The following RPL27 variants were observed in gnomAD, a reference collection of about 807,000 sequenced individuals.
The protein encoded by RPL27 is large ribosomal subunit protein eL27.
For synonymous variants in RPL27, 77 were observed against 61.0 expected (o/e 1.26, Z -1.22); for missense variants, 131 against 174.3 (o/e 0.75, Z 1.40).
At chr17:43,002,360 A>T (rs1159221275) in intron 3 of RPL27, among the ~76,000 whole-genome samples, 1 of 151,426 alleles carries the variant, frequency 6.6e-6, no homozygotes, top group Non-Finnish European at 1.5e-5. Flanking sequence ...ACAAAAAATT[A>T]GCCAGGCCTG....
intron 3 of RPL27, 120 bp from the exon 4 acceptor site, chr17:43,002,553 C>A (rs2050375848): frequency 8.9e-6 from 6 of 676,252 alleles, no homozygotes; most frequent in Non-Finnish European, 1.6e-5. Context: ...CGGGACATGG[C>A]TTTTGATGGT....
At chr17:43,001,927 T>C (rs1567738723) in intron 3 of RPL27, among the ~76,000 whole-genome samples, 2 of 149,062 alleles carry the variant, frequency 1.3e-5, no homozygotes, top group African/African-American at 5.0e-5. Context: ...CCGTCTCTAC[T>C]GAAAGTACAA....
chr17:43,002,483 G>A (rs889730073), intron 3 of RPL27, among the ~76,000 whole-genome samples, 190 bp from the exon 4 acceptor site: 2 of 152,014 alleles, frequency 1.3e-5, no homozygotes, highest in African/African-American at 4.8e-5. Flanking sequence ...GTCCAGCCTG[G>A]ACGAAAGATT....
intron 3 of RPL27, among the ~76,000 whole-genome samples, chr17:43,000,724 G>A (rs1446655026): frequency 1.3e-5 from 2 of 149,782 alleles, no homozygotes; most frequent in Non-Finnish European, 3.0e-5. Context: ...GATTACAGGC[G>A]TGAGCCACCG....
intron 3 of RPL27, among the ~76,000 whole-genome samples, chr17:43,000,333 C>T (rs1280502299): frequency 6.6e-6 from 1 of 152,196 alleles, no homozygotes; most frequent in Non-Finnish European, 1.5e-5. Context: ...GATCTGCCCT[C>T]TTCCACTGTT....
chr17:43,001,110 G>A (rs189485632), intron 3 of RPL27, among the ~76,000 whole-genome samples: 14 of 152,060 alleles, frequency 9.2e-5, no homozygotes, highest in Non-Finnish European at 1.9e-4. Flanking sequence ...TTGGGAGGCC[G>A]AGGCGAGCGG....
At chr17:42,999,905 A>G (rs1437360997) in intron 2 of RPL27, 28 bp from the exon 3 acceptor site, 1 of 1,597,912 alleles carries the variant, frequency 6.3e-7, no homozygotes, top group African/African-American at 1.3e-5. Flanking sequence ...CCCTCAGTGA[A>G]TAACAAATGT....
chr17:42,998,893 GGGCA>G, intron 2 of RPL27, 62 bp downstream of exon 2: 1 of 1,394,930 alleles, frequency 7.2e-7, no homozygotes, highest in Non-Finnish European at 1.0e-6. Flanking sequence ...GCGGCGGGGC[GGGCA>G]GGCTTGGAAT....
intron 3 of RPL27, among the ~76,000 whole-genome samples, chr17:43,001,091 C>T (rs1468257873): frequency 2.0e-5 from 3 of 152,168 alleles, no homozygotes; most frequent in Non-Finnish European, 2.9e-5. Flanking sequence ...CGCCTACAAT[C>T]CCAGCACTTT....
chr17:42,998,921 C>A, intron 2 of RPL27, 90 bp downstream of exon 2: 1 of 1,033,792 alleles, frequency 9.7e-7, no homozygotes. Flanking sequence ...AGGCCTGTTT[C>A]TGGGGCAGTA....
At chr17:43,001,802 C>T (rs1273481246) in intron 3 of RPL27, among the ~76,000 whole-genome samples, 1 of 151,394 alleles carries the variant, frequency 6.6e-6, no homozygotes, top group Non-Finnish European at 1.5e-5. Context: ...GTCAAGAAGG[C>T]CTAATTTGGC....
At position 43,000,060 on chromosome 17, in the gene RPL27, C is replaced by A. The variant is rs762571548; in HGVS notation, c.209C>A (p.Ser70Tyr). The A allele has an allele frequency of 3.1e-5, 50 of 1,613,038 alleles. No individual in the cohort carries two copies. The highest frequency in any genetic ancestry group is 3.9e-5 in the Non-Finnish European group (46 of 1,179,950). ...ATCGCCAAGAGATCAAAGATAAAATCTTTTGTGAAAGTGTATAACTACAAT... is the reference window on the plus strand; with the variant it reads ...ATCGCCAAGAGATCAAAGATAAAATATTTTGTGAAAGTGTATAACTACAAT... ...KKIAKRSKIK[S>Y]FVKVYNYNHL... is the part of the protein sequence containing the mutation. The change falls in exon 3 of 5, where the codon TCT becomes TAT. Residue 70 changes from serine to tyrosine, a missense_variant. Transcript: ENST00000253788.
Position 43,000,068 on chromosome 17 carries a change from A to G in RPL27, c.217A>G (p.Lys73Glu), listed in dbSNP as rs1252658792. 1.9e-6 allele frequency: 3 copies of G among 1,613,080 alleles called. No individual in the cohort carries two copies. The highest frequency in any genetic ancestry group is 1.7e-6 in the Non-Finnish European group (2 of 1,179,946). ...AKRSKIKSFV[K>E]VYNYNHLMPT... ...GAGATCAAAGATAAAATCTTTTGTG[A>G]AAGTGTATAACTACAATCACCTAAT... is the stretch of plus-strand genomic sequence containing the variant. The change falls in exon 3 of 5, where the codon AAA becomes GAA. Residue 73 changes from lysine (K) to glutamate (E), a missense_variant. By Grantham distance (56) the Lys-to-Glu change is moderately conservative (BLOSUM62 1). Coordinates refer to ENST00000253788, the MANE Select transcript of RPL27 (RefSeq NM_000988.5).
At chr17:42,999,075 C>T in intron 2 of RPL27, 2 of 478,228 alleles carry the variant, frequency 4.2e-6, no homozygotes. Flanking sequence ...TAGTGGCTGA[C>T]ATTGCACGCT....
chr17:43,000,444 T>G (rs2050347445), intron 3 of RPL27, among the ~76,000 whole-genome samples: 1 of 151,448 alleles, frequency 6.6e-6, no homozygotes, highest in Non-Finnish European at 1.5e-5. Context: ...CCCTTTAGTC[T>G]GGGGACATAC....
In RPL27 at chr17:43,002,765, A is replaced by G; in HGVS notation, c.344A>G (p.Lys115Arg). The G allele has an allele frequency of 6.2e-7, 1 of 1,613,466 alleles. No individual in the cohort carries two copies. The highest frequency in any genetic ancestry group is 8.5e-7 in the Non-Finnish European group (1 of 1,179,336). ...ALKRKARREA[K>R]VKFEERYKTG... ...AAACGCAAGGCCCGACGGGAGGCCA[A>G]GGTCAAGTTTGAAGAGAGGTAAGTA... is the stretch of plus-strand genomic sequence containing the variant. The change falls in exon 4 of 5, where the codon AAG (lysine) becomes AGG (arginine). Residue 115 changes from lysine to arginine, a missense_variant. Transcript: ENST00000253788.
chr17:42,998,517 G>C (rs1277925073), intron 1 of RPL27, 46 bp downstream of exon 1: 4 of 430,730 alleles, frequency 9.3e-6, no homozygotes, highest in Non-Finnish European at 1.7e-5. Flanking sequence ...TGCCATCCGC[G>C]GCTTGGGGGT....
chr17:42,999,467 T>G (rs967539598), intron 2 of RPL27: 1 of 156,604 alleles, frequency 6.4e-6, no homozygotes, highest in Non-Finnish European at 1.4e-5. Flanking sequence ...TTTTGTAGCT[T>G]CTTGAGAGAG....
chr17:43,001,713 T>A (rs568007895), intron 3 of RPL27, among the ~76,000 whole-genome samples: 1 of 151,712 alleles, frequency 6.6e-6, no homozygotes, highest in Non-Finnish European at 1.5e-5. Flanking sequence ...TGGGCTGTCA[T>A]GAGAGTGACT....
Sources: allele counts gnomAD v4.1 joint callset (sites outside exome capture counted in the v4.1 genomes callset), GRCh38; gene constraint gnomAD v4.1.1; transcripts MANE v1.5; gene names NCBI Gene and HGNC (gene_info 2026-07-23, HGNC 2026-07-21).